The following PHLPP1 variants were observed in gnomAD, a reference collection of about 807,000 sequenced individuals.
PHLPP1 encodes PH domain leucine-rich repeat-containing protein phosphatase 1.
Under a neutral mutation model 117.2 loss-of-function variants are expected in PHLPP1, and 42 were observed. The ratio of observed to expected loss-of-function variants is 0.36; its 90% CI spans 0.28 to 0.46. PHLPP1 has a LOEUF of 0.46. Ranked by LOEUF, PHLPP1 falls within the 20% of genes least tolerant of loss-of-function variation. The pLI, the probability that PHLPP1 is intolerant of heterozygous loss-of-function variation, is 1.00. For missense variants in PHLPP1, 2,084 were observed against 2,241.9 expected, an observed-to-expected ratio of 0.93 and a Z score of 1.42; for synonymous variants, 1,042 against 970.7, an observed-to-expected ratio of 1.07 and a Z score of -1.37.
chr18:62,735,220 T>G (rs760247358), intron 1 of PHLPP1, among the ~76,000 whole-genome samples: 3 of 151,812 alleles, frequency 2.0e-5, no homozygotes, highest in Admixed American at 6.6e-5. Context: ...CATTTTAAAT[T>G]TTTGTATTTT....
chr18:62,837,335 G>A (rs904803371), intron 2 of PHLPP1, among the ~76,000 whole-genome samples: 1 of 151,886 alleles, frequency 6.6e-6, no homozygotes, highest in African/African-American at 2.4e-5. Flanking sequence ...TAGTAGTATT[G>A]GTAAAACATA....
intron 3 of PHLPP1, among the ~76,000 whole-genome samples, chr18:62,854,184 A>G (rs773803477): frequency 6.6e-6 from 1 of 152,246 alleles, no homozygotes; most frequent in Non-Finnish European, 1.5e-5. Flanking sequence ...TTATAAGTAC[A>G]GTAGCTTTTG....
intron 3 of PHLPP1, among the ~76,000 whole-genome samples, chr18:62,850,925 C>A (rs1915331374): frequency 1.3e-5 from 2 of 152,180 alleles, no homozygotes; most frequent in Non-Finnish European, 2.9e-5. Flanking sequence ...GGCACTGATG[C>A]TGTCGACGTG....
At chr18:62,847,010 A>G (rs1447812093) in intron 3 of PHLPP1, among the ~76,000 whole-genome samples, 3 of 152,196 alleles carry the variant, frequency 2.0e-5, no homozygotes, top group African/African-American at 7.2e-5. Context: ...AAGTTATTTC[A>G]GTTTAGAACT....
At chr18:62,849,828 A>ATATATATATATATATATATATATAT (rs1297336371) in intron 3 of PHLPP1, among the ~76,000 whole-genome samples, 42 of 26,084 alleles carry the variant, frequency 1.6e-3, no homozygotes, top group Non-Finnish European at 2.3e-3. Flanking sequence ...AAAAAAAAAA[A>ATATATATATATATATATATATATAT]AAAAATATAT....
At chr18:62,727,685 G>A (rs1324850316) in intron 1 of PHLPP1, among the ~76,000 whole-genome samples, 1 of 151,850 alleles carries the variant, frequency 6.6e-6, no homozygotes, top group Non-Finnish European at 1.5e-5. Flanking sequence ...TTAACTGGCA[G>A]GCTGGGGATT....
intron 12 of PHLPP1, among the ~76,000 whole-genome samples, chr18:62,952,668 G>A (rs780664428): frequency 3.3e-5 from 5 of 152,126 alleles, no homozygotes; most frequent in East Asian, 1.9e-4. Flanking sequence ...GCTCTGTTGC[G>A]CATGCCGGAG....
chr18:62,980,390 A>G lies in PHLPP1; in HGVS notation c.*959A>G, dbSNP rs1321520045. Reference sequence around the variant, plus strand: ...ATACTCAAGCAGAATGCACAAATGGACATGTCATAATTTTTGTTACAATAA... The same window carrying G: ...ATACTCAAGCAGAATGCACAAATGGGCATGTCATAATTTTTGTTACAATAA... On this transcript the variant is annotated 3_prime_UTR_variant, in exon 17 of 17. Coordinates refer to ENST00000262719, the MANE Select transcript of PHLPP1 (RefSeq NM_194449.4). The G allele has an allele frequency of 6.6e-6, 1 of 152,618 alleles. No homozygotes were observed. The highest frequency in any genetic ancestry group is 1.5e-5 in the Non-Finnish European group (1 of 68,044). The allele number at this position is 152,618 out of a possible 1,614,324, so 9.5% of individuals were successfully genotyped here.
intron 1 of PHLPP1, among the ~76,000 whole-genome samples, chr18:62,752,504 A>G (rs917192267): frequency 1.3e-5 from 2 of 152,232 alleles, no homozygotes; most frequent in Admixed American, 1.3e-4. Flanking sequence ...TCAAATAGAT[A>G]TGCAGATAAA....
chr18:62,945,422 G>A (rs759083218), intron 12 of PHLPP1, among the ~76,000 whole-genome samples, 151 bp downstream of exon 12: 11 of 152,200 alleles, frequency 7.2e-5, no homozygotes, highest in Non-Finnish European at 1.5e-4. Flanking sequence ...TAACCAATGG[G>A]CTACACCGTT....
intron 1 of PHLPP1, among the ~76,000 whole-genome samples, chr18:62,812,106 G>T (rs1015870152): frequency 3.9e-5 from 6 of 152,162 alleles, no homozygotes; most frequent in Admixed American, 3.9e-4. Flanking sequence ...TTATATGATT[G>T]TAGGGACGTG....
rs1184996074 is a variant in PHLPP1, at chr18:62,834,888, A to G, written c.1774-3896A>G. 2.6e-5 allele frequency among the ~76,000 whole-genome samples: 4 copies of G among 151,102 alleles called. No homozygotes were observed. In the East Asian group the frequency reaches 7.8e-4, roughly 29 times the overall value. ...CTCCCACCCTCTCCCACTCCTCTCC[A>G]TCCCTAAGAAACCTTTTGCTTGATA... On this transcript the variant is annotated intron_variant, in intron 2 of 16. Transcript: ENST00000262719.
At chr18:62,756,951 C>T (rs879644223) in intron 1 of PHLPP1, among the ~76,000 whole-genome samples, 9 of 152,088 alleles carry the variant, frequency 5.9e-5, no homozygotes, top group African/African-American at 9.7e-5. Flanking sequence ...ATACTCACTG[C>T]GGTGCATGTA....
intron 1 of PHLPP1, among the ~76,000 whole-genome samples, chr18:62,727,162 A>AG (rs1911097261): frequency 6.7e-6 from 1 of 150,066 alleles, no homozygotes; most frequent in African/African-American, 2.5e-5. Flanking sequence ...TGGGAGGTGA[A>AG]GGTTGCAGTG....
At chr18:62,762,984 C>G (rs1187116343) in intron 1 of PHLPP1, among the ~76,000 whole-genome samples, 1 of 152,122 alleles carries the variant, frequency 6.6e-6, no homozygotes, top group Non-Finnish European at 1.5e-5. Flanking sequence ...TGTAAAATAT[C>G]TAAAACAACA....
chr18:62,715,636 C>A lies in PHLPP1; in HGVS notation c.-48C>A. On this transcript the variant is annotated 5_prime_UTR_variant, in exon 1 of 17. Coordinates refer to ENST00000262719, the MANE Select transcript of PHLPP1 (RefSeq NM_194449.4). Reference sequence around the variant, plus strand: ...CACCTCCGCCTCATCGCCTCCCTCTCCGCCCGCTGCCTCCGGAGCTGGGGG... The same window carrying A: ...CACCTCCGCCTCATCGCCTCCCTCTACGCCCGCTGCCTCCGGAGCTGGGGG... 1 of 1,234,884 alleles carries A rather than the reference C, an allele frequency of 8.1e-7. No homozygotes were observed. Among genetic ancestry groups the A allele is most frequent in the Non-Finnish European group, 1.0e-6 (1 of 982,626 alleles). 76.5% of individuals were successfully genotyped at this position (1,234,884 alleles called of 1,614,324 possible).
intron 1 of PHLPP1, among the ~76,000 whole-genome samples, chr18:62,811,125 G>C (rs1487243954): frequency 3.9e-5 from 6 of 152,166 alleles, no homozygotes; most frequent in Non-Finnish European, 8.8e-5. Context: ...GCTCATTCCT[G>C]TGGGAAAAAT....
At chr18:62,931,700 C>T (rs1011788996) in intron 10 of PHLPP1, among the ~76,000 whole-genome samples, 1 of 151,664 alleles carries the variant, frequency 6.6e-6, no homozygotes, top group Non-Finnish European at 1.5e-5. Context: ...TGAGACCAGC[C>T]TGGCCAATAT....
intron 1 of PHLPP1, among the ~76,000 whole-genome samples, chr18:62,725,406 A>G (rs1156557119): frequency 2.0e-5 from 3 of 151,862 alleles, no homozygotes; most frequent in Admixed American, 6.6e-5. Flanking sequence ...TGTATGTATT[A>G]AAAAGATTCA....
Sources: gnomAD v4.1 joint callset for allele counts (sites outside exome capture counted in the v4.1 genomes callset) on GRCh38, gnomAD v4.1.1 for gene constraint, MANE v1.5 for transcripts, NCBI Gene and HGNC (gene_info 2026-07-23, HGNC 2026-07-21) for gene names.